The following UMAD1 variants were observed in gnomAD, a reference collection of about 807,000 sequenced individuals.
UMAD1 encodes UBAP1-MVB12-associated (UMA) domain containing 1, also known as UBAP1-MVB12-associated (UMA)-domain containing protein 1.
In UMAD1, 8 loss-of-function variants were observed where a neutral mutation model predicts 6.1. The ratio of observed to expected loss-of-function variants is 1.30; its 90% CI spans 0.76 to 2.35. UMAD1 has a LOEUF of 2.35. Ranked by LOEUF, UMAD1 falls within the 30% of genes most tolerant of loss-of-function variation. The pLI is 0.00. For synonymous variants in UMAD1, 56 were observed against 31.4 expected (o/e 1.78, Z -2.61); for missense variants, 130 against 78.4 (o/e 1.66, Z -2.49).
intron 1 of UMAD1, among the ~76,000 whole-genome samples, chr7:7,669,649 T>C (rs1779556154): frequency 6.6e-6 from 1 of 152,202 alleles, no homozygotes; most frequent in Non-Finnish European, 1.5e-5. Flanking sequence ...CCCAAGACTC[T>C]TATTGTAAAC....
intron 3 of UMAD1, among the ~76,000 whole-genome samples, chr7:7,842,714 G>A (rs1783706384): frequency 6.6e-6 from 1 of 151,812 alleles, no homozygotes; most frequent in Non-Finnish European, 1.5e-5. Context: ...TACTCAATAT[G>A]TATTCTTCAG....
chr7:7,720,127 C>G (rs1781013233), intron 2 of UMAD1, among the ~76,000 whole-genome samples: 1 of 152,090 alleles, frequency 6.6e-6, no homozygotes, highest in Admixed American at 6.5e-5. Context: ...AGTATTATTT[C>G]AAATGTATAG....
At chr7:7,874,022 C>T (rs929431847) in intron 3 of UMAD1, among the ~76,000 whole-genome samples, 1 of 152,176 alleles carries the variant, frequency 6.6e-6, no homozygotes, top group Non-Finnish European at 1.5e-5. Flanking sequence ...GGCACTGAAA[C>T]TTCCAAAACC....
chr7:7,831,263 T>C (rs1783461444), intron 3 of UMAD1, among the ~76,000 whole-genome samples: 1 of 152,242 alleles, frequency 6.6e-6, no homozygotes, highest in South Asian at 2.1e-4. Context: ...CAGGATATTC[T>C]AAGTATCTAT....
chr7:7,854,335 A>G (rs1270128159), intron 3 of UMAD1, among the ~76,000 whole-genome samples: 2 of 147,370 alleles, frequency 1.4e-5, no homozygotes, highest in African/African-American at 2.5e-5. Context: ...AGCCTGGGCA[A>G]CAAGAGCAAA....
At chr7:7,674,969 A>T (rs1305878043) in intron 2 of UMAD1, among the ~76,000 whole-genome samples, 1 of 152,046 alleles carries the variant, frequency 6.6e-6, no homozygotes, top group Non-Finnish European at 1.5e-5. Context: ...TAACACATAT[A>T]CAGGGAACTC....
At chr7:7,858,664 G>A (rs1196335391) in intron 3 of UMAD1, among the ~76,000 whole-genome samples, 2 of 152,140 alleles carry the variant, frequency 1.3e-5, no homozygotes, top group Non-Finnish European at 1.5e-5. Flanking sequence ...CTCTTCCCTA[G>A]TTCGGCCATC....
rs56976423 is a variant in UMAD1, at chr7:7,699,050, G to GT, written c.82+25597_82+25598insT. Among the ~76,000 whole-genome samples, 234 of 53,552 alleles carry GT rather than the reference G, an allele frequency of 4.4e-3. 2 individuals are homozygous for GT. The highest frequency in any genetic ancestry group is 9.6e-3 in the Middle Eastern group (1 of 104). The allele number at this position is 53,552 out of a possible 152,430, so 35.1% of individuals were successfully genotyped here. On this transcript the variant is annotated intron_variant, in intron 2 of 3. Coordinates refer to ENST00000682710, the MANE Select transcript of UMAD1 (RefSeq NM_001302348.2). ...TTATATAGTTTGTGTGTGTGTGTGT[G>GT]GGGGGGGGGTAGATACCAGGTTTGC...
Position 7,673,472 on chromosome 7 carries a change from C to A in UMAD1, c.82+19C>A, listed in dbSNP as rs762199118. 22 of 752,860 alleles carry A rather than the reference C, an allele frequency of 2.9e-5. No individual in the cohort carries two copies. In the South Asian group the frequency reaches 3.2e-4, roughly 11 times the overall value. 46.6% of individuals were successfully genotyped at this position (752,860 alleles called of 1,614,324 possible). ...CTTTTAGGTGAGTCTTTTTAAGAAA[C>A]AAAATAATTAGATGAATTATGTTCT... On this transcript the variant is annotated intron_variant, in intron 2 of 3. Transcript: ENST00000682710.
chr7:7,803,084 G>A (rs1247880816), intron 3 of UMAD1, among the ~76,000 whole-genome samples: 1 of 152,178 alleles, frequency 6.6e-6, no homozygotes, highest in African/African-American at 2.4e-5. Flanking sequence ...AAGATACTGT[G>A]CATGGAGCTG....
intron 2 of UMAD1, among the ~76,000 whole-genome samples, chr7:7,744,143 G>T (rs1235635948): frequency 6.6e-6 from 1 of 152,020 alleles, no homozygotes; most frequent in African/African-American, 2.4e-5. Context: ...CTATAGATTT[G>T]CCTGTTCTGG....
chr7:7,823,903 T>C (rs1272434225), intron 3 of UMAD1, among the ~76,000 whole-genome samples: 1 of 152,128 alleles, frequency 6.6e-6, no homozygotes, highest in Non-Finnish European at 1.5e-5. Flanking sequence ...TCTTTATTTT[T>C]GGTTCATTTA....
chr7:7,744,072 A>C lies in UMAD1; in HGVS notation c.83-57598A>C, dbSNP rs1470510760. ...CCTCTGTATCCATTAGCAGTTACTC[A>C]CTATTTCCCCCAAATCCTCTTTCCC... On this transcript the variant is annotated intron_variant, in intron 2 of 3. Coordinates refer to ENST00000682710, the MANE Select transcript of UMAD1 (RefSeq NM_001302348.2). Among the ~76,000 whole-genome samples the C allele has an allele frequency of 2.6e-5, 4 of 152,076 alleles. No homozygotes were observed. The East Asian group carries it at 7.7e-4, about 29-fold the overall frequency.
chr7:7,770,351 G>T (rs66659688), intron 2 of UMAD1, among the ~76,000 whole-genome samples: 1 of 151,950 alleles, frequency 6.6e-6, no homozygotes, highest in Non-Finnish European at 1.5e-5. Flanking sequence ...ACCTTGCTCT[G>T]TTTATCATTG....
chr7:7,861,640 A>C (rs1421224406), intron 3 of UMAD1, among the ~76,000 whole-genome samples: 3 of 152,156 alleles, frequency 2.0e-5, no homozygotes, highest in African/African-American at 7.2e-5. Flanking sequence ...CCTTACTTTC[A>C]TCTGTATATG....
In UMAD1 at chr7:7,878,359, C is replaced by G. The variant is rs1583891538; in HGVS notation, c.*821C>G. The G allele has an allele frequency of 2.0e-5, 3 of 152,286 alleles. No individual in the cohort carries two copies. In the South Asian group the frequency reaches 6.2e-4, roughly 32 times the overall value. The allele number at this position is 152,286 out of a possible 1,614,324, so 9.4% of individuals were successfully genotyped here. On this transcript the variant is annotated 3_prime_UTR_variant, in exon 4 of 4. Coordinates refer to ENST00000682710, the MANE Select transcript of UMAD1 (RefSeq NM_001302348.2). ...CCCTCTGCCTCCTGAAGAAAAACAT[C>G]TCATGATGATACATATTATTGCTGA...
chr7:7,765,994 T>C (rs1391546266), intron 2 of UMAD1, among the ~76,000 whole-genome samples: 1 of 152,194 alleles, frequency 6.6e-6, no homozygotes, highest in African/African-American at 2.4e-5. Flanking sequence ...TACATATCGT[T>C]GTAATAGTGG....
At chr7:7,796,079 A>G (rs935470803) in intron 2 of UMAD1, among the ~76,000 whole-genome samples, 1 of 152,034 alleles carries the variant, frequency 6.6e-6, no homozygotes, top group African/African-American at 2.4e-5. Context: ...ACCAGTGGAC[A>G]GGAGAGTGGA....
intron 3 of UMAD1, among the ~76,000 whole-genome samples, chr7:7,837,266 G>C (rs1783589170): frequency 6.6e-6 from 1 of 152,046 alleles, no homozygotes; most frequent in Non-Finnish European, 1.5e-5. Flanking sequence ...TAAAACCTGA[G>C]TGAATATGCA....
Sources: allele counts gnomAD v4.1 joint callset (sites outside exome capture counted in the v4.1 genomes callset), GRCh38; gene constraint gnomAD v4.1.1; transcripts MANE v1.5; gene names NCBI Gene and HGNC (gene_info 2026-07-23, HGNC 2026-07-21).